Variants in PTK2 observed in about 807,000 individuals in gnomAD.
PTK2 encodes the protein focal adhesion kinase 1.
Under a neutral mutation model 150.1 loss-of-function variants are expected in PTK2, and 45 were observed. The ratio of observed to expected loss-of-function variants is 0.30; its 90% CI spans 0.24 to 0.38. The LOEUF is 0.38. PTK2 is among the 10% of genes least tolerant of loss of function. PTK2 has a pLI of 1.00. For synonymous variants in PTK2, 432 were observed against 449.2 expected (o/e 0.96, Z 0.48); for missense variants, 919 against 1,307.3 (o/e 0.70, Z 4.58).
At chr8:140,838,754 C>G (rs1224834006) in intron 7 of PTK2, among the ~76,000 whole-genome samples, 1 of 152,128 alleles carries the variant, frequency 6.6e-6, no homozygotes, top group African/African-American at 2.4e-5. Context: ...CGCTTGTAAG[C>G]CCAGCACTTT....
chr8:140,902,921 G>GTTGTTTT (rs1555356000), intron 2 of PTK2, among the ~76,000 whole-genome samples: 22,584 of 65,312 alleles, frequency 0.35, 4,507 homozygotes, highest in Middle Eastern at 0.42. Flanking sequence ...TCTGATGAGA[G>GTTGTTTT]TTGTTTTTTT....
Position 140,743,210 on chromosome 8 carries a change from G to C in PTK2, c.1735+20C>G, listed in dbSNP as rs1395826205. 7.5e-6 allele frequency: 11 copies of C among 1,471,986 alleles called. No homozygotes were observed. The highest frequency in any genetic ancestry group is 1.0e-5 in the Non-Finnish European group (11 of 1,052,936). 91.2% of individuals were successfully genotyped at this position (1,471,986 alleles called of 1,614,324 possible). A position where few individuals can be genotyped will look rare whatever the true frequency, so the allele number is the denominator to read the frequency against. On this transcript the variant is annotated intron_variant, in intron 20 of 31. Coordinates refer to ENST00000522684, the Ensembl canonical transcript of PTK2. Reference sequence around the variant, plus strand: ...TAAAGATTCCAAGCCTATTTCTTAGGTACTACTCTGATTTCTTACCTTTGT... The same window carrying C: ...TAAAGATTCCAAGCCTATTTCTTAGCTACTACTCTGATTTCTTACCTTTGT...
At chr8:140,839,230 G>A (rs1009250085) in intron 7 of PTK2, among the ~76,000 whole-genome samples, 1 of 152,102 alleles carries the variant, frequency 6.6e-6, no homozygotes, top group South Asian at 2.1e-4. Context: ...TGATGAACCC[G>A]GCGCTTGGGC....
chr8:140,729,278 C>T (rs1384080863), intron 22 of PTK2, among the ~76,000 whole-genome samples: 1 of 152,142 alleles, frequency 6.6e-6, no homozygotes, highest in East Asian at 1.9e-4. Flanking sequence ...CAAAAACTCC[C>T]AACACCCCCC....
intron 5 of PTK2, among the ~76,000 whole-genome samples, chr8:140,859,992 T>C (rs2100135109): frequency 6.6e-6 from 1 of 152,246 alleles, no homozygotes; most frequent in Non-Finnish European, 1.5e-5. Context: ...AAACTCATAG[T>C]ATATTCAAAA....
chr8:140,718,974 A>C (rs1336240124), intron 22 of PTK2, among the ~76,000 whole-genome samples: 1 of 152,116 alleles, frequency 6.6e-6, no homozygotes, highest in Non-Finnish European at 1.5e-5. Flanking sequence ...TCAGGAGTTC[A>C]AGACCAGCCT....
At chr8:140,867,014 T>C (rs2100139732) in intron 4 of PTK2, among the ~76,000 whole-genome samples, 1 of 152,168 alleles carries the variant, frequency 6.6e-6, no homozygotes, top group Non-Finnish European at 1.5e-5. Flanking sequence ...GAACAGACTA[T>C]GAAAAGGCCC....
intron 1 of PTK2, among the ~76,000 whole-genome samples, chr8:140,977,651 C>T (rs767579911): frequency 6.6e-6 from 1 of 151,444 alleles, no homozygotes; most frequent in Non-Finnish European, 1.5e-5. Flanking sequence ...GAGCTGTGAT[C>T]GTCCAACTGG....
intron 2 of PTK2, among the ~76,000 whole-genome samples, chr8:140,922,031 C>T (rs542225231): frequency 1.8e-4 from 27 of 152,062 alleles, no homozygotes; most frequent in African/African-American, 6.0e-4. Context: ...GTTAGTAGTA[C>T]ATTTGTATAA....
At chr8:140,669,874 G>A in intron 29 of PTK2, 139 bp from the exon 33 acceptor site, 1 of 973,184 alleles carries the variant, frequency 1.0e-6, no homozygotes. Flanking sequence ...TAGTTTCCAA[G>A]CCTGCCCACC....
At chr8:140,844,200 G>A (rs187234249) in intron 7 of PTK2, among the ~76,000 whole-genome samples, 1 of 152,266 alleles carries the variant, frequency 6.6e-6, no homozygotes, top group East Asian at 1.9e-4. Flanking sequence ...CAACATGACT[G>A]ATCACTGGTG....
chr8:140,762,022 A>C (rs1350374117), intron 15 of PTK2, among the ~76,000 whole-genome samples: 1 of 152,154 alleles, frequency 6.6e-6, no homozygotes, highest in Non-Finnish European at 1.5e-5. Context: ...TAACCCATTT[A>C]CTACTTGGTA....
chr8:140,813,450 C>T (rs1026274381), intron 10 of PTK2, among the ~76,000 whole-genome samples: 7 of 151,048 alleles, frequency 4.6e-5, no homozygotes, highest in African/African-American at 7.3e-5. Flanking sequence ...AACATTCTCT[C>T]GGAGCACAGC....
chr8:140,936,369 C>T (rs987628514), intron 1 of PTK2, among the ~76,000 whole-genome samples: 9 of 152,056 alleles, frequency 5.9e-5, no homozygotes, highest in Admixed American at 2.6e-4. Context: ...ATGTACTGAG[C>T]GCTCACGAAG....
At chr8:140,773,197 A>G (rs1043537864) in intron 14 of PTK2, among the ~76,000 whole-genome samples, 4 of 152,236 alleles carry the variant, frequency 2.6e-5, no homozygotes, top group African/African-American at 7.2e-5. Flanking sequence ...ATTATCACAC[A>G]TCATAAAAAC....
intron 4 of PTK2, among the ~76,000 whole-genome samples, chr8:140,874,923 T>C (rs541504225): frequency 3.7e-4 from 56 of 152,314 alleles, no homozygotes; most frequent in Non-Finnish European, 7.1e-4. Flanking sequence ...TGGGTGCCTA[T>C]TGTATACCAG....
chr8:140,955,738 G>A (rs541996061), intron 1 of PTK2, among the ~76,000 whole-genome samples: 2 of 152,234 alleles, frequency 1.3e-5, no homozygotes, highest in East Asian at 3.9e-4. Context: ...GCCAGACCAA[G>A]CCAGCAGCCA....
intron 13 of PTK2, among the ~76,000 whole-genome samples, chr8:140,791,944 G>A (rs1217313135): frequency 6.6e-6 from 1 of 152,208 alleles, no homozygotes; most frequent in African/African-American, 2.4e-5. Context: ...TAAGAATATT[G>A]CAAAGTATCC....
intron 1 of PTK2, among the ~76,000 whole-genome samples, chr8:140,981,806 A>G (rs1461311377): frequency 6.6e-6 from 1 of 152,158 alleles, no homozygotes; most frequent in East Asian, 1.9e-4. Context: ...TAGAATGTTT[A>G]CTGTCTAGCC....
Sources: gnomAD v4.1 joint callset for allele counts (sites outside exome capture counted in the v4.1 genomes callset) on GRCh38, gnomAD v4.1.1 for gene constraint, MANE v1.5 for transcripts, NCBI Gene and HGNC (gene_info 2026-07-23, HGNC 2026-07-21) for gene names.